ADK: variants seen among roughly 807,000 people sequenced by gnomAD.
The protein encoded by ADK is N6,N6-dimethyladenosine kinase.
A neutral mutation model predicts 44.7 loss-of-function variants in ADK; 24 were observed. That is an observed-to-expected ratio of 0.54 (90% CI 0.39 to 0.76). ADK has a LOEUF of 0.76. Ranked by LOEUF, ADK falls within the 30% of genes least tolerant of loss-of-function variation. ADK has a pLI of 0.00. For synonymous variants in ADK, 128 were observed against 142.6 expected (o/e 0.90, Z 0.73); for missense variants, 321 against 425.1 (o/e 0.76, Z 2.15).
rs1384602949 is a variant in ADK at position 74,439,578 on chromosome 10, G to T, written c.555+40999G>T. On this transcript the variant is annotated intron_variant, in intron 6 of 10. Coordinates refer to ENST00000539909, the MANE Select transcript of ADK (RefSeq NM_006721.4). ...GAGTTTATCAGCCTACCCAGTGGAA[G>T]ATTTCATCCTTTTTGTTGAAAGATA... Among the ~76,000 whole-genome samples the T allele has an allele frequency of 7.2e-5, 11 of 152,218 alleles. No individual in the cohort carries two copies. In the East Asian group the frequency reaches 1.9e-3, roughly 27 times the overall value.
chr10:74,407,537 C>T (rs1843993287), intron 6 of ADK, among the ~76,000 whole-genome samples: 1 of 151,960 alleles, frequency 6.6e-6, no homozygotes, highest in Non-Finnish European at 1.5e-5. Context: ...TCCTGATTAC[C>T]TGGGTATTCA....
intron 3 of ADK, among the ~76,000 whole-genome samples, chr10:74,241,978 G>A (rs1845226447): frequency 6.6e-6 from 1 of 152,132 alleles, no homozygotes; most frequent in Middle Eastern, 3.2e-3. Flanking sequence ...TCTTATTTCT[G>A]CCTTCCCTTC....
chr10:74,584,220 T>A (rs990088846), intron 7 of ADK, among the ~76,000 whole-genome samples: 3 of 152,190 alleles, frequency 2.0e-5, no homozygotes, highest in African/African-American at 4.8e-5. Flanking sequence ...GCTCTGACAC[T>A]CATTTGTTTA....
chr10:74,261,272 C>A (rs779389217), intron 3 of ADK, among the ~76,000 whole-genome samples: 3 of 152,096 alleles, frequency 2.0e-5, no homozygotes, highest in South Asian at 4.2e-4. Flanking sequence ...TGCTAATCTC[C>A]CCCCTCAGTG....
At chr10:74,677,486 AT>A (rs1855434171) in intron 10 of ADK, among the ~76,000 whole-genome samples, 2 of 152,096 alleles carry the variant, frequency 1.3e-5, no homozygotes, top group African/African-American at 2.4e-5. Flanking sequence ...TTGCTGCTTC[AT>A]TGTGCTATGC....
At chr10:74,158,859 T>TA (rs1841822554) in intron 1 of ADK, among the ~76,000 whole-genome samples, 1 of 152,234 alleles carries the variant, frequency 6.6e-6, no homozygotes, top group Non-Finnish European at 1.5e-5. Context: ...TCTACTGTAA[T>TA]ACCAGTACAG....
chr10:74,168,495 C>G (rs865980343), intron 1 of ADK, among the ~76,000 whole-genome samples: 5 of 140,618 alleles, frequency 3.6e-5, no homozygotes, highest in East Asian at 2.1e-4. Flanking sequence ...GCCGAGATCG[C>G]GCCACTGCAC....
intron 4 of ADK, among the ~76,000 whole-genome samples, chr10:74,385,387 G>A (rs1279227193): frequency 6.6e-6 from 1 of 152,086 alleles, no homozygotes; most frequent in Non-Finnish European, 1.5e-5. Context: ...GCATATAGAT[G>A]ATAATTGAAA....
chr10:74,338,970 A>G (rs2131868216), intron 4 of ADK, among the ~76,000 whole-genome samples: 1 of 152,244 alleles, frequency 6.6e-6, no homozygotes, highest in East Asian at 1.9e-4. Flanking sequence ...ATTTCTTTTA[A>G]GAGACAGTGT....
At chr10:74,353,570 TAA>T (rs36030657) in intron 4 of ADK, among the ~76,000 whole-genome samples, 18 of 135,378 alleles carry the variant, frequency 1.3e-4, no homozygotes, top group Admixed American at 1.5e-4. Flanking sequence ...AACTTAAAGT[TAA>T]AAAAAAAAAA....
intron 3 of ADK, among the ~76,000 whole-genome samples, chr10:74,285,293 C>A (rs1847119276): frequency 6.6e-6 from 1 of 151,976 alleles, no homozygotes; most frequent in South Asian, 2.1e-4. Flanking sequence ...GGAACTTAGA[C>A]AAAATGATAG....
chr10:74,226,808 G>A (rs1446411983), intron 3 of ADK, among the ~76,000 whole-genome samples: 1 of 151,966 alleles, frequency 6.6e-6, no homozygotes, highest in African/African-American at 2.4e-5. Flanking sequence ...ACATTCTGTT[G>A]TTTATTTGTT....
At position 74,265,588 on chromosome 10, in the gene ADK, G is replaced by A. The variant is rs79625999; in HGVS notation, c.194+40997G>A. ...TTCTGTGATGATATTTGAGAAAAGC[G>A]CAACTTAATTACAAAAGAGTGAAAA... On this transcript the variant is annotated intron_variant, in intron 3 of 10. Transcript: ENST00000539909. Among the ~76,000 whole-genome samples, 907 of 147,812 alleles carry A rather than the reference G, an allele frequency of 6.1e-3. 13 individuals carry two copies. The highest frequency in any genetic ancestry group is 0.02 in the African/African-American group (796 of 40,470).
At chr10:74,495,359 A>G (rs1490636101) in intron 6 of ADK, among the ~76,000 whole-genome samples, 1 of 151,038 alleles carries the variant, frequency 6.6e-6, no homozygotes, top group Non-Finnish European at 1.5e-5. Context: ...GTGTCTGGTA[A>G]TGCTGGTAGT....
intron 6 of ADK, among the ~76,000 whole-genome samples, chr10:74,522,853 C>T (rs1474005468): frequency 6.6e-6 from 1 of 152,094 alleles, no homozygotes; most frequent in Non-Finnish European, 1.5e-5. Flanking sequence ...TATCCTCTCT[C>T]CCTTGCCTCT....
intron 3 of ADK, among the ~76,000 whole-genome samples, chr10:74,275,585 A>G (rs920113078): frequency 6.6e-6 from 1 of 152,218 alleles, no homozygotes; most frequent in African/African-American, 2.4e-5. Context: ...CAGACAAATT[A>G]TCACAATTCT....
intron 9 of ADK, among the ~76,000 whole-genome samples, chr10:74,645,043 CT>C (rs1854006767): frequency 6.6e-6 from 1 of 152,076 alleles, no homozygotes; most frequent in Non-Finnish European, 1.5e-5. Context: ...TGTATTATTC[CT>C]TTGTTAGCAC....
intron 10 of ADK, among the ~76,000 whole-genome samples, chr10:74,672,720 G>A (rs1489145243): frequency 6.6e-6 from 1 of 152,096 alleles, no homozygotes; most frequent in Non-Finnish European, 1.5e-5. Context: ...CAAAGTAATA[G>A]CAATAGATAA....
intron 3 of ADK, among the ~76,000 whole-genome samples, chr10:74,262,408 A>G (rs1183239733): frequency 6.6e-6 from 1 of 151,878 alleles, no homozygotes; most frequent in Non-Finnish European, 1.5e-5. Context: ...TAAGATATAC[A>G]TGGCTTTTAT....
Sources: allele counts gnomAD v4.1 joint callset (sites outside exome capture counted in the v4.1 genomes callset), GRCh38; gene constraint gnomAD v4.1.1; transcripts MANE v1.5; gene names NCBI Gene and HGNC (gene_info 2026-07-23, HGNC 2026-07-21).